Variants in GRAMD1B observed in about 807,000 individuals in gnomAD.
GRAMD1B encodes protein Aster-B.
In GRAMD1B, 37 loss-of-function variants were observed where a neutral mutation model predicts 99.7. The observed-to-expected ratio is 0.37, with a 90% CI of 0.29 to 0.49. The LOEUF is 0.49. Among genes scored for constraint, GRAMD1B ranks in the 20% least tolerant of loss-of-function variants. The probability of loss-of-function intolerance (pLI) is 0.98; values close to 1 mark genes in which losing one functional copy is unlikely to be tolerated. For synonymous variants in GRAMD1B, 427 were observed against 387.6 expected, an observed-to-expected ratio of 1.10 and a Z score of -1.19; for missense variants, 888 against 1,009.2, an observed-to-expected ratio of 0.88 and a Z score of 1.63.
chr11:123,460,445 A>G (rs1950356594), intron 1 of GRAMD1B: 2 of 152,136 alleles, frequency 1.3e-5, no homozygotes, highest in South Asian at 4.1e-4. Context: ...GGTTAATTGG[A>G]TATAGGCCAG....
intron 2 of GRAMD1B, among the ~76,000 whole-genome samples, chr11:123,548,349 C>CATATATATATATATATAT (rs142360908): frequency 1.2e-4 from 13 of 107,758 alleles, no homozygotes; most frequent in African/African-American, 5.5e-4. Context: ...CACACACACA[C>CATATATATATATATATAT]ATATATATAT....
At chr11:123,374,973 C>A (rs1946645300) in intron 1 of GRAMD1B, among the ~76,000 whole-genome samples, 2 of 152,138 alleles carry the variant, frequency 1.3e-5, no homozygotes, top group Non-Finnish European at 2.9e-5. Context: ...TCTTTACCAT[C>A]CTTATCATCA....
At chr11:123,505,391 C>T (rs1466282306) in intron 2 of GRAMD1B, among the ~76,000 whole-genome samples, 1 of 152,128 alleles carries the variant, frequency 6.6e-6, no homozygotes, top group Non-Finnish European at 1.5e-5. Context: ...TCCACTCTAC[C>T]TCTACAATCA....
intron 2 of GRAMD1B, among the ~76,000 whole-genome samples, chr11:123,486,560 A>AGAAAG (rs1937804445): frequency 6.9e-6 from 1 of 145,672 alleles, no homozygotes; most frequent in Non-Finnish European, 1.5e-5. Flanking sequence ...AAAAGAAAAA[A>AGAAAG]AAAAAAAAAC....
At chr11:123,599,401 G>C (rs1390082620) in intron 7 of GRAMD1B, 2 of 673,820 alleles carry the variant, frequency 3.0e-6, no homozygotes, top group Non-Finnish European at 5.6e-6. Flanking sequence ...ACATCCATGA[G>C]CCATTCCTTC....
intron 2 of GRAMD1B, among the ~76,000 whole-genome samples, chr11:123,576,574 A>G (rs1948737667): frequency 6.6e-6 from 1 of 152,176 alleles, no homozygotes; most frequent in African/African-American, 2.4e-5. Context: ...ATAAGCCTTG[A>G]TGTAAGTGGA....
intron 1 of GRAMD1B, among the ~76,000 whole-genome samples, chr11:123,437,091 T>C (rs1378327072): frequency 1.3e-5 from 2 of 152,230 alleles, no homozygotes; most frequent in Admixed American, 1.3e-4. Context: ...ACTCATCCTT[T>C]TTTATGGCTG....
At chr11:123,607,914 C>T (rs1952967422) in intron 11 of GRAMD1B, 1 of 152,364 alleles carries the variant, frequency 6.6e-6, no homozygotes, top group African/African-American at 2.4e-5. Context: ...GGTGAAATTC[C>T]CTGGCTGGCA....
At chr11:123,490,723 T>G (rs1938458762) in intron 2 of GRAMD1B, among the ~76,000 whole-genome samples, 1 of 152,148 alleles carries the variant, frequency 6.6e-6, no homozygotes, top group South Asian at 2.1e-4. Context: ...GGATTCCAGC[T>G]TGCTCAGCTA....
In GRAMD1B at chr11:123,600,477, A is replaced by T. The variant is rs1047450644; in HGVS notation, c.979A>T (p.Thr327Ser). ...VCTDSEKHFF[T>S]SFGARDRTYM... ...TTCTTTTCCAATCTAGCACTTCTTC[A>T]CTTCGTTTGGGGCCCGGGATAGGAC... is the stretch of plus-strand genomic sequence containing the variant. The change falls in exon 8 of 20, where the codon ACT becomes TCT. Residue 327 changes from threonine to serine, a missense_variant. Physicochemically the swap from Thr to Ser is moderately conservative, Grantham distance 58 (BLOSUM62 1). Transcript: ENST00000635736. 2 of 1,604,604 alleles carry T rather than the reference A, an allele frequency of 1.2e-6. No individual in the cohort carries two copies. The highest frequency in any genetic ancestry group is 2.7e-5 in the African/African-American group (2 of 74,700).
chr11:123,480,417 A>T (rs1211119164), intron 1 of GRAMD1B, among the ~76,000 whole-genome samples: 1 of 151,864 alleles, frequency 6.6e-6, no homozygotes, highest in African/African-American at 2.4e-5. Context: ...CACCCCACCC[A>T]GTCCATGTCA....
intron 2 of GRAMD1B, among the ~76,000 whole-genome samples, chr11:123,529,403 AC>A (rs1943124177): frequency 6.6e-6 from 1 of 152,214 alleles, no homozygotes; most frequent in Non-Finnish European, 1.5e-5. Context: ...GATGAAGATG[AC>A]CGTGACATAT....
At chr11:123,558,909 C>T (rs1050472056) in intron 2 of GRAMD1B, among the ~76,000 whole-genome samples, 1 of 152,214 alleles carries the variant, frequency 6.6e-6, no homozygotes, top group Non-Finnish European at 1.5e-5. Flanking sequence ...CAGAATGAGA[C>T]ATTTTGCCAA....
intron 1 of GRAMD1B, among the ~76,000 whole-genome samples, chr11:123,379,197 C>A (rs1404346989): frequency 6.6e-6 from 1 of 152,218 alleles, no homozygotes; most frequent in Non-Finnish European, 1.5e-5. Flanking sequence ...AAAAGAACCA[C>A]AGATTCACAG....
At chr11:123,461,471 C>G (rs2134494596) in intron 1 of GRAMD1B, among the ~76,000 whole-genome samples, 1 of 152,332 alleles carries the variant, frequency 6.6e-6, no homozygotes, top group East Asian at 1.9e-4. Flanking sequence ...TCACTGGCCT[C>G]CTAGAAGTCT....
intron 3 of GRAMD1B, among the ~76,000 whole-genome samples, chr11:123,579,585 C>T (rs1011041539): frequency 1.3e-5 from 2 of 152,144 alleles, no homozygotes; most frequent in Non-Finnish European, 1.5e-5. Context: ...TGCCCTGTGG[C>T]AGCCCCCTCT....
intron 2 of GRAMD1B, among the ~76,000 whole-genome samples, chr11:123,554,794 A>C (rs1946005488): frequency 2.0e-5 from 3 of 152,240 alleles, no homozygotes; most frequent in African/African-American, 7.2e-5. Context: ...GCCTCTTGTT[A>C]TAACAGATGT....
intron 1 of GRAMD1B, among the ~76,000 whole-genome samples, chr11:123,363,065 G>T (rs1268989382): frequency 6.6e-6 from 1 of 151,882 alleles, no homozygotes; most frequent in East Asian, 1.9e-4. Context: ...CCAAAGAGGG[G>T]AAAAGAGCAG....
At chr11:123,608,358 A>G in intron 11 of GRAMD1B, 1 of 731,862 alleles carries the variant, frequency 1.4e-6, no homozygotes. Context: ...TTAGTCTAAG[A>G]TCAACTGAAT....
Sources: allele counts gnomAD v4.1 joint callset (sites outside exome capture counted in the v4.1 genomes callset), GRCh38; gene constraint gnomAD v4.1.1; transcripts MANE v1.5; gene names NCBI Gene and HGNC (gene_info 2026-07-23, HGNC 2026-07-21).